Variants in NAALADL2 observed in about 807,000 individuals in gnomAD.
NAALADL2 encodes the protein N-acetylated alpha-linked acidic dipeptidase like 2.
In NAALADL2, 76 loss-of-function variants were observed where a neutral mutation model predicts 87.2. The observed-to-expected ratio is 0.87, with a 90% CI of 0.72 to 1.05. The LOEUF is 1.05. Among genes scored for constraint, NAALADL2 ranks in the 50% least tolerant of loss-of-function variants. NAALADL2 has a pLI of 0.00. For missense variants in NAALADL2, 1,089 were observed against 945.8 expected, an observed-to-expected ratio of 1.15 and a Z score of -1.99; for synonymous variants, 354 against 331.0, an observed-to-expected ratio of 1.07 and a Z score of -0.75.
chr3:174,906,322 T>C lies in NAALADL2; in HGVS notation c.43+46872T>C, dbSNP rs537270353. Among the ~76,000 whole-genome samples, 4 of 152,220 alleles carry C rather than the reference T, an allele frequency of 2.6e-5. No homozygotes were observed. In the South Asian group the frequency reaches 6.2e-4, roughly 24 times the overall value. On this transcript the variant is annotated intron_variant, in intron 1 of 13. Transcript: ENST00000454872. ...ACCTCTAATATCCCTGCTTCTTGGT[T>C]ACATACCCTTTGGAATACCCCTGCC...
chr3:174,686,171 T>C (rs572237206), intron 2 of NAALADL2, among the ~76,000 whole-genome samples: 13 of 152,196 alleles, frequency 8.5e-5, no homozygotes, highest in African/African-American at 2.2e-4. Context: ...ATATATTCCT[T>C]TGGGCGTATA....
At chr3:174,802,076 C>G (rs2109254453) in intron 3 of NAALADL2, among the ~76,000 whole-genome samples, 1 of 152,086 alleles carries the variant, frequency 6.6e-6, no homozygotes, top group Non-Finnish European at 1.5e-5. Flanking sequence ...ACTTTTCTTT[C>G]AAGTTTTCAA....
At chr3:174,852,706 A>G (rs1725388308) in intron 3 of NAALADL2, among the ~76,000 whole-genome samples, 1 of 152,140 alleles carries the variant, frequency 6.6e-6, no homozygotes, top group Non-Finnish European at 1.5e-5. Flanking sequence ...AGAAATGGAA[A>G]AAACAATCCT....
At chr3:175,143,014 A>G (rs1331824327) in intron 2 of NAALADL2, among the ~76,000 whole-genome samples, 1 of 152,000 alleles carries the variant, frequency 6.6e-6, no homozygotes, top group African/African-American at 2.4e-5. Context: ...TAGGGGAAAT[A>G]ATATTGGCCT....
Position 174,451,686 on chromosome 3 carries a change from G to T in NAALADL2, c.-184+10654G>T, listed in dbSNP as rs77148601. Among the ~76,000 whole-genome samples, 1,511 of 152,024 alleles carry T rather than the reference G, an allele frequency of 9.9e-3. 32 individuals are homozygous for T. The highest frequency in any genetic ancestry group is 0.035 in the African/African-American group (1,454 of 41,446). ...CTCTTATTCATGTGCCTTCTTTTCGGTTTACATATTTTTTGGAGGTAGTGA... is the reference window on the plus strand; with the variant it reads ...CTCTTATTCATGTGCCTTCTTTTCGTTTTACATATTTTTTGGAGGTAGTGA... On this transcript the variant is annotated intron_variant, in intron 1 of 3. Coordinates refer to the NAALADL2 transcript ENST00000434257.
intron 1 of NAALADL2, among the ~76,000 whole-genome samples, chr3:175,080,260 G>A (rs999577516): frequency 3.9e-5 from 6 of 152,148 alleles, no homozygotes; most frequent in Non-Finnish European, 8.8e-5. Context: ...CACTGTGCCC[G>A]GCGAACTATA....
At chr3:175,749,090 G>C (rs557728098) in intron 12 of NAALADL2, among the ~76,000 whole-genome samples, 49 of 146,212 alleles carry the variant, frequency 3.4e-4, no homozygotes, top group African/African-American at 1.2e-3. Context: ...CTGGGCAACA[G>C]AGCCAGACCC....
chr3:175,650,131 AAAT>A (rs1191678152), intron 11 of NAALADL2, among the ~76,000 whole-genome samples: 2 of 151,902 alleles, frequency 1.3e-5, no homozygotes, highest in Non-Finnish European at 2.9e-5. Flanking sequence ...ATATCCATGC[AAAT>A]AATAAAAAGA....
chr3:174,570,536 A>G (rs1468209329), intron 2 of NAALADL2, among the ~76,000 whole-genome samples: 5 of 152,186 alleles, frequency 3.3e-5, no homozygotes, highest in African/African-American at 1.2e-4. Context: ...AGAAGTAGAC[A>G]TGTAAGCCAA....
intron 3 of NAALADL2, among the ~76,000 whole-genome samples, chr3:174,819,618 C>T (rs1425505468): frequency 1.3e-5 from 2 of 152,078 alleles, no homozygotes; most frequent in Admixed American, 1.3e-4. Flanking sequence ...CTTTTTGATG[C>T]AGCCCATTAT....
chr3:175,312,793 A>G (rs192129936), intron 4 of NAALADL2, among the ~76,000 whole-genome samples: 316 of 152,318 alleles, frequency 2.1e-3, no homozygotes, highest in Non-Finnish European at 3.9e-3. Context: ...AAATCAACAA[A>G]TAAGAGATAG....
intron 2 of NAALADL2, among the ~76,000 whole-genome samples, chr3:174,675,471 G>A (rs1263364123): frequency 6.6e-6 from 1 of 151,910 alleles, no homozygotes; most frequent in Non-Finnish European, 1.5e-5. Flanking sequence ...AAGGTTCCTC[G>A]CTTGGCAACA....
chr3:174,973,360 A>C (rs1743947122), intron 1 of NAALADL2, among the ~76,000 whole-genome samples: 1 of 152,202 alleles, frequency 6.6e-6, no homozygotes, highest in Admixed American at 6.5e-5. Flanking sequence ...GTTGCGATAA[A>C]CACTATATGG....
chr3:174,737,360 C>T (rs1056680927), intron 2 of NAALADL2, among the ~76,000 whole-genome samples: 5 of 152,028 alleles, frequency 3.3e-5, no homozygotes, highest in African/African-American at 4.8e-5. Context: ...TTATGCTTGC[C>T]GAATTGATTG....
intron 1 of NAALADL2, among the ~76,000 whole-genome samples, chr3:175,096,417 TC>T (rs1368437461): frequency 1.3e-5 from 2 of 152,198 alleles, no homozygotes; most frequent in Admixed American, 6.6e-5. Context: ...AATTTTGCCT[TC>T]TGCATTGCAT....
At chr3:174,712,152 C>G (rs1216341761) in intron 2 of NAALADL2, among the ~76,000 whole-genome samples, 2 of 152,050 alleles carry the variant, frequency 1.3e-5, no homozygotes, top group Admixed American at 1.3e-4. Flanking sequence ...CAAACATAAA[C>G]TCATTATTAG....
At chr3:175,253,654 T>C (rs570470583) in intron 3 of NAALADL2, among the ~76,000 whole-genome samples, 2 of 152,306 alleles carry the variant, frequency 1.3e-5, no homozygotes, top group South Asian at 2.1e-4. Flanking sequence ...AGAAAGTACA[T>C]AGAAAACTTT....
intron 10 of NAALADL2, among the ~76,000 whole-genome samples, chr3:175,578,348 G>C (rs113946463): frequency 6.6e-6 from 1 of 151,994 alleles, no homozygotes; most frequent in African/African-American, 2.4e-5. Flanking sequence ...TGGGAGGATC[G>C]CTGGAGCCCT....
chr3:174,539,697 T>C (rs1048498458), intron 1 of NAALADL2, among the ~76,000 whole-genome samples: 7 of 152,148 alleles, frequency 4.6e-5, no homozygotes, highest in Non-Finnish European at 8.8e-5. Flanking sequence ...CACAGAATAG[T>C]ATATCAGCTC....
Sources: allele counts gnomAD v4.1 joint callset (sites outside exome capture counted in the v4.1 genomes callset), GRCh38; gene constraint gnomAD v4.1.1; transcripts MANE v1.5; gene names NCBI Gene and HGNC (gene_info 2026-07-23, HGNC 2026-07-21).